Variants in TIMP3 observed in about 807,000 individuals in gnomAD.
TIMP3 encodes the protein TIMP metallopeptidase inhibitor 3.
Under a neutral mutation model 30.0 loss-of-function variants are expected in TIMP3, and 11 were observed. That is an observed-to-expected ratio of 0.37 (90% confidence interval 0.23 to 0.61). TIMP3 has a LOEUF of 0.61. Among genes scored for constraint, TIMP3 ranks in the 20% least tolerant of loss-of-function variants. TIMP3 has a pLI of 0.70. For missense variants in TIMP3, 181 were observed against 276.8 expected (o/e 0.65, Z 2.45); for synonymous variants, 112 against 111.3 (o/e 1.01, Z -0.04).
chr22:32,832,875 G>C (rs1402528452), intron 1 of TIMP3, among the ~76,000 whole-genome samples: 1 of 151,852 alleles, frequency 6.6e-6, no homozygotes, highest in Non-Finnish European at 1.5e-5. Flanking sequence ...CTACAGGTAC[G>C]TACTACCATT....
chr22:32,845,367 A>G (rs1273930605), intron 1 of TIMP3, among the ~76,000 whole-genome samples: 1 of 151,642 alleles, frequency 6.6e-6, no homozygotes, highest in Non-Finnish European at 1.5e-5. Context: ...TAATTTTTGT[A>G]TTTTAGTAGA....
chr22:32,807,315 ATATATAAATATATAATTT>A, intron 1 of TIMP3, among the ~76,000 whole-genome samples: 2 of 112,324 alleles, frequency 1.8e-5, no homozygotes, highest in Admixed American at 1.3e-4. Flanking sequence ...TAAATATATA[ATATATAAATATATAATTT>A]ATATATAATA....
Position 32,810,083 on chromosome 22 carries a change from G to C in TIMP3, c.121+7961G>C, listed in dbSNP as rs536603251. On this transcript the variant is annotated intron_variant, in intron 1 of 4. Coordinates refer to ENST00000266085, the MANE Select transcript of TIMP3 (RefSeq NM_000362.5). The stretch of plus-strand genomic sequence containing the variant: ...CTATGTTCATGTCTGGCATCCAGGG[G>C]TACACAAAGTATTGATTCTAGCTAA... 1.2e-4 allele frequency among the ~76,000 whole-genome samples: 18 copies of C among 152,308 alleles called. 1 individual carries two copies. In the South Asian group the frequency reaches 3.7e-3, roughly 32 times the overall value.
In TIMP3 at chr22:32,858,060, C is replaced by T. The variant is rs563656481; in HGVS notation, c.360C>T (p.Phe120=). 2.2e-4 allele frequency: 352 copies of T among 1,614,156 alleles called. 4 individuals are homozygous for T. The South Asian group carries it at 3.5e-3, about 16-fold the overall frequency. The change falls in exon 4 of 5, where the codon TTC becomes TTT. Residue 120 remains phenylalanine, a synonymous_variant. Coordinates refer to ENST00000266085, the MANE Select transcript of TIMP3 (RefSeq NM_000362.5). ...DGKMYTGLCN[F]VERWDQLTLS... is the part of the protein sequence containing the mutation. ...AGATGTACACGGGGCTGTGCAACTT[C>T]GTGGAGAGGTGGGACCAGCTCACCC...
intron 1 of TIMP3, among the ~76,000 whole-genome samples, chr22:32,809,375 T>A (rs1199317913): frequency 6.6e-6 from 1 of 152,232 alleles, no homozygotes; most frequent in East Asian, 1.9e-4. Context: ...AGTCTGCTTA[T>A]CTTTGGTTTT....
chr22:32,825,922 C>G lies in TIMP3; in HGVS notation c.122-23530C>G, dbSNP rs1042725179. ...GATTGAAATAAACCAGATCACCAAGCACATTTTGGATGATTCTATTAGCAG... is the reference window on the plus strand; with the variant it reads ...GATTGAAATAAACCAGATCACCAAGGACATTTTGGATGATTCTATTAGCAG... On this transcript the variant is annotated intron_variant, in intron 1 of 4. Coordinates refer to ENST00000266085, the MANE Select transcript of TIMP3 (RefSeq NM_000362.5). Among the ~76,000 whole-genome samples the G allele has an allele frequency of 2.0e-5, 3 of 152,168 alleles. No homozygotes were observed. The East Asian group carries it at 5.8e-4, about 29-fold the overall frequency.
chr22:32,824,074 C>T (rs1453326281), intron 1 of TIMP3, among the ~76,000 whole-genome samples: 2 of 152,042 alleles, frequency 1.3e-5, no homozygotes, highest in Non-Finnish European at 2.9e-5. Context: ...GTCAGGAGAT[C>T]GAGACCATCC....
chr22:32,833,124 T>G (rs1442022969), intron 1 of TIMP3, among the ~76,000 whole-genome samples: 1 of 152,172 alleles, frequency 6.6e-6, no homozygotes, highest in East Asian at 1.9e-4. Flanking sequence ...GTAAAAAGAT[T>G]CCAAGTGGGG....
chr22:32,862,381 C>A lies in TIMP3; in HGVS notation c.*3004C>A, dbSNP rs534327408. 2 of 152,354 alleles carry A rather than the reference C, an allele frequency of 1.3e-5. No individual in the cohort carries two copies. The highest frequency in any genetic ancestry group is 4.2e-4 in the South Asian group (2 of 4,816). The allele number at this position is 152,354 out of a possible 1,614,324, so 9.4% of individuals were successfully genotyped here. ...CTGGGAGACTCCTGTCTTTTACCCT[C>A]CCCTCGTTCCAGACCTGCCTCATGG... On this transcript the variant is annotated 3_prime_UTR_variant, in exon 5 of 5. Coordinates refer to ENST00000266085, the MANE Select transcript of TIMP3 (RefSeq NM_000362.5).
chr22:32,850,126 A>C (rs946586623), intron 2 of TIMP3, among the ~76,000 whole-genome samples: 15 of 150,580 alleles, frequency 1.0e-4, no homozygotes, highest in African/African-American at 3.7e-4. Context: ...ATGTTTGCTA[A>C]GCATATTCTT....
chr22:32,852,671 C>T (rs1398207181), intron 2 of TIMP3, among the ~76,000 whole-genome samples: 1 of 152,146 alleles, frequency 6.6e-6, no homozygotes, highest in South Asian at 2.1e-4. Context: ...GACCTTCTCC[C>T]GTCTGCTAAC....
chr22:32,801,864 G>T lies in TIMP3; in HGVS notation c.-138G>T. Reference sequence around the variant, plus strand: ...ATCCCGTCCCGCCGGGCACTCGGAGGGCAGCGCGCCGGAGGCCAAGGTTGC... The same window carrying T: ...ATCCCGTCCCGCCGGGCACTCGGAGTGCAGCGCGCCGGAGGCCAAGGTTGC... On this transcript the variant is annotated 5_prime_UTR_variant, in exon 1 of 5. Coordinates refer to ENST00000266085, the MANE Select transcript of TIMP3 (RefSeq NM_000362.5). The surrounding 1 kb of genome is among the most constrained non-coding windows in gnomAD (Gnocchi z 4.7). 8.8e-7 allele frequency: 1 copy of T among 1,136,718 alleles called. No individual in the cohort carries two copies. Among genetic ancestry groups the T allele is most frequent in the South Asian group, 3.0e-5 (1 of 33,568 alleles). 70.4% of individuals were successfully genotyped at this position (1,136,718 alleles called of 1,614,324 possible).
At chr22:32,813,809 A>AT (rs2046981577) in intron 1 of TIMP3, among the ~76,000 whole-genome samples, 1 of 151,986 alleles carries the variant, frequency 6.6e-6, no homozygotes, top group Non-Finnish European at 1.5e-5. Flanking sequence ...CCCTGGTCTC[A>AT]TTTTTCCTAT....
chr22:32,808,695 A>G (rs2046831682), intron 1 of TIMP3, among the ~76,000 whole-genome samples: 1 of 151,992 alleles, frequency 6.6e-6, no homozygotes, highest in Non-Finnish European at 1.5e-5. Flanking sequence ...TTAACTTCTC[A>G]TTCTCTAGGT....
chr22:32,806,740 T>A (rs1385518696), intron 1 of TIMP3, among the ~76,000 whole-genome samples: 1 of 152,216 alleles, frequency 6.6e-6, no homozygotes, highest in Non-Finnish European at 1.5e-5. Context: ...CATGTATGTA[T>A]CTCTCTGTAT....
intron 1 of TIMP3, among the ~76,000 whole-genome samples, chr22:32,803,513 A>G (rs2046646880): frequency 6.6e-6 from 1 of 152,152 alleles, no homozygotes; most frequent in African/African-American, 2.4e-5. Flanking sequence ...TGGGGCCTGC[A>G]TGGTACATCC....
chr22:32,821,475 A>G (rs558110492), intron 1 of TIMP3, among the ~76,000 whole-genome samples: 1 of 152,340 alleles, frequency 6.6e-6, no homozygotes, highest in South Asian at 2.1e-4. Context: ...ATAGAAATGG[A>G]TTTATTAATA....
intron 1 of TIMP3, among the ~76,000 whole-genome samples, chr22:32,811,014 T>C (rs775660757): frequency 5.1e-4 from 77 of 152,174 alleles, no homozygotes; most frequent in Non-Finnish European, 9.4e-4. Flanking sequence ...GTAACTTCAT[T>C]GGCAATTAAG....
intron 1 of TIMP3, among the ~76,000 whole-genome samples, chr22:32,838,300 A>G (rs1194909490): frequency 1.3e-5 from 2 of 152,176 alleles, no homozygotes; most frequent in Non-Finnish European, 2.9e-5. Flanking sequence ...ACTATGGCAG[A>G]GAGGGACACA....
Sources: gnomAD v4.1 joint callset for allele counts (sites outside exome capture counted in the v4.1 genomes callset) on GRCh38, gnomAD v4.1.1 for gene constraint, Gnocchi (gnomAD v3.1) non-coding constraint, MANE v1.5 for transcripts, NCBI Gene and HGNC (gene_info 2026-07-23, HGNC 2026-07-21) for gene names.